The following NAALADL2 variants were observed in gnomAD, a reference collection of about 807,000 sequenced individuals.
NAALADL2 encodes N-acetylated alpha-linked acidic dipeptidase like 2.
Under a neutral mutation model 87.2 loss-of-function variants are expected in NAALADL2, and 76 were observed. The ratio of observed to expected loss-of-function variants is 0.87; its 90% CI spans 0.72 to 1.05. NAALADL2 has a LOEUF of 1.05. NAALADL2 is among the 50% of genes least tolerant of loss of function. The pLI is 0.00. For missense variants in NAALADL2, 1,089 were observed against 945.8 expected (o/e 1.15, Z -1.99); for synonymous variants, 354 against 331.0 (o/e 1.07, Z -0.75).
chr3:175,345,114 A>G (rs1762992588), intron 5 of NAALADL2, among the ~76,000 whole-genome samples: 1 of 152,212 alleles, frequency 6.6e-6, no homozygotes, highest in Non-Finnish European at 1.5e-5. Flanking sequence ...GTCATACATT[A>G]TTACCACCAT....
intron 6 of NAALADL2, among the ~76,000 whole-genome samples, chr3:175,459,692 G>C (rs2149258565): frequency 6.6e-6 from 1 of 152,238 alleles, no homozygotes; most frequent in Non-Finnish European, 1.5e-5. Flanking sequence ...AATCTCTCTA[G>C]GTTTTAATTC....
intron 2 of NAALADL2, among the ~76,000 whole-genome samples, chr3:175,213,822 A>G (rs1742113597): frequency 6.6e-6 from 1 of 152,128 alleles, no homozygotes; most frequent in Non-Finnish European, 1.5e-5. Context: ...CAGAGTAGAT[A>G]TTTGAACACG....
At chr3:174,727,808 A>T (rs1436555707) in intron 2 of NAALADL2, among the ~76,000 whole-genome samples, 1 of 152,152 alleles carries the variant, frequency 6.6e-6, no homozygotes, top group African/African-American at 2.4e-5. Flanking sequence ...ATAGTGGCAC[A>T]TATCGACCAT....
intron 1 of NAALADL2, among the ~76,000 whole-genome samples, chr3:174,527,913 A>G (rs894026023): frequency 6.6e-6 from 1 of 152,094 alleles, no homozygotes; most frequent in African/African-American, 2.4e-5. Context: ...GGGGCTGGCA[A>G]ATTATGGTCC....
intron 2 of NAALADL2, among the ~76,000 whole-genome samples, chr3:175,205,685 A>T (rs1259380997): frequency 6.6e-6 from 1 of 152,102 alleles, no homozygotes; most frequent in Non-Finnish European, 1.5e-5. Flanking sequence ...GAAAGTCTTC[A>T]CAATCCATAT....
chr3:174,488,860 A>T (rs554277767), intron 1 of NAALADL2, among the ~76,000 whole-genome samples: 1 of 151,960 alleles, frequency 6.6e-6, no homozygotes, highest in African/African-American at 2.4e-5. Context: ...CTCCTCATAC[A>T]TTTTTAAACT....
intron 5 of NAALADL2, among the ~76,000 whole-genome samples, chr3:175,399,402 A>T (rs1770266233): frequency 6.6e-6 from 1 of 152,132 alleles, no homozygotes; most frequent in Non-Finnish European, 1.5e-5. Flanking sequence ...GTTTATTAGG[A>T]AAATAAAGGA....
chr3:175,780,691 A>T (rs1392953601), intron 13 of NAALADL2, among the ~76,000 whole-genome samples: 1 of 152,166 alleles, frequency 6.6e-6, no homozygotes, highest in East Asian at 1.9e-4. Context: ...GTGAAAAACA[A>T]TTTTCAAATT....
chr3:175,285,774 G>A (rs528659114), intron 4 of NAALADL2, among the ~76,000 whole-genome samples: 1 of 151,944 alleles, frequency 6.6e-6, no homozygotes, highest in East Asian at 1.9e-4. Flanking sequence ...AAAATGCAAA[G>A]CATTAACATG....
intron 5 of NAALADL2, among the ~76,000 whole-genome samples, chr3:175,402,738 G>A (rs1304548508): frequency 6.6e-6 from 1 of 151,786 alleles, no homozygotes; most frequent in Non-Finnish European, 1.5e-5. Flanking sequence ...GTATCTTCTG[G>A]GAAACCCTTT....
At chr3:174,764,862 T>C (rs1713563133) in intron 3 of NAALADL2, among the ~76,000 whole-genome samples, 2 of 152,124 alleles carry the variant, frequency 1.3e-5, no homozygotes, top group East Asian at 1.9e-4. Flanking sequence ...AGGTGGACTT[T>C]TTATAGTATA....
At chr3:175,509,971 C>T (rs1026277228) in intron 9 of NAALADL2, among the ~76,000 whole-genome samples, 6 of 152,100 alleles carry the variant, frequency 3.9e-5, no homozygotes, top group East Asian at 1.9e-4. Flanking sequence ...ATTTAGCATT[C>T]GGTATGTCTC....
intron 11 of NAALADL2, among the ~76,000 whole-genome samples, chr3:175,725,203 TTTC>T (rs1222283715): frequency 6.6e-6 from 1 of 152,134 alleles, no homozygotes; most frequent in Non-Finnish European, 1.5e-5. Context: ...TTGTTATATG[TTTC>T]TTTAGCATTA....
At chr3:175,118,378 T>G (rs1289316591) in intron 2 of NAALADL2, among the ~76,000 whole-genome samples, 2 of 151,674 alleles carry the variant, frequency 1.3e-5, no homozygotes, top group East Asian at 3.9e-4. Flanking sequence ...ATAATGAGTA[T>G]GCTAGTGGGG....
intron 1 of NAALADL2, among the ~76,000 whole-genome samples, chr3:175,053,748 G>A (rs189283962): frequency 8.2e-4 from 125 of 152,312 alleles, no homozygotes; most frequent in Middle Eastern, 6.8e-3. Flanking sequence ...AACTCCTCCC[G>A]TAAAACATGA....
chr3:175,665,809 T>C (rs978660329), intron 11 of NAALADL2, among the ~76,000 whole-genome samples: 10 of 152,142 alleles, frequency 6.6e-5, no homozygotes, highest in Admixed American at 5.9e-4. Flanking sequence ...TGCATGCCTG[T>C]AGTCCCAGCT....
At chr3:175,583,532 T>C (rs1446216739) in intron 10 of NAALADL2, among the ~76,000 whole-genome samples, 1 of 149,716 alleles carries the variant, frequency 6.7e-6, no homozygotes, top group African/African-American at 2.4e-5. Context: ...ACCAGGCAAC[T>C]ATCAAAGACT....
chr3:175,179,057 C>A (rs1483890542), intron 2 of NAALADL2, among the ~76,000 whole-genome samples: 1 of 151,980 alleles, frequency 6.6e-6, no homozygotes, highest in East Asian at 1.9e-4. Context: ...TCTAACCAAG[C>A]TCACTCTCTA....
chr3:174,982,237 A>G (rs146267519), intron 1 of NAALADL2, among the ~76,000 whole-genome samples: 63 of 152,260 alleles, frequency 4.1e-4, no homozygotes, highest in Admixed American at 2.9e-3. Flanking sequence ...AGCAATTTTC[A>G]GGTCAACAAC....
Sources: allele counts gnomAD v4.1 joint callset (sites outside exome capture counted in the v4.1 genomes callset), GRCh38; gene constraint gnomAD v4.1.1; transcripts MANE v1.5; gene names NCBI Gene and HGNC (gene_info 2026-07-23, HGNC 2026-07-21).